The following ACSS3 variants were observed in gnomAD, a reference collection of about 807,000 sequenced individuals.
The protein encoded by ACSS3 is acyl-CoA synthetase short chain family member 3.
A neutral mutation model predicts 84.2 loss-of-function variants in ACSS3; 64 were observed. The observed-to-expected ratio is 0.76, with a 90% CI of 0.62 to 0.94. ACSS3 has a LOEUF of 0.94. ACSS3 is among the 40% of genes least tolerant of loss of function. ACSS3 has a pLI of 0.00. For synonymous variants in ACSS3, 317 were observed against 310.1 expected, an observed-to-expected ratio of 1.02 and a Z score of -0.23; for missense variants, 815 against 867.6, an observed-to-expected ratio of 0.94 and a Z score of 0.76.
At position 81,259,049 on chromosome 12, in the gene ACSS3, T is replaced by C. The variant is rs896083719; in HGVS notation, c.*4127T>C. The C allele has an allele frequency of 3.1e-5, 5 of 163,192 alleles. No homozygotes were observed. The Admixed American group carries it at 3.2e-4, about 10-fold the overall frequency. The allele number at this position is 163,192 out of a possible 1,614,324, so 10.1% of individuals were successfully genotyped here. ...CTGATTGCCTTTAAAGCTCTATTTT[T>C]GGCTCCGGTTCCAGGTTAAATCATT... On this transcript the variant is annotated 3_prime_UTR_variant, in exon 16 of 16. Transcript: ENST00000548058.
intron 1 of ACSS3, among the ~76,000 whole-genome samples, chr12:81,103,429 T>C (rs1273254287): frequency 6.6e-6 from 1 of 152,224 alleles, no homozygotes; most frequent in Non-Finnish European, 1.5e-5. Flanking sequence ...ACTGGAATGA[T>C]TTTATTTAAA....
At chr12:81,254,335 G>T (rs894924220) in intron 15 of ACSS3, among the ~76,000 whole-genome samples, 1 of 152,086 alleles carries the variant, frequency 6.6e-6, no homozygotes, top group African/African-American at 2.4e-5. Flanking sequence ...GTAATTAATG[G>T]CAATTAGTGA....
chr12:81,151,012 T>G (rs543335848), intron 5 of ACSS3, among the ~76,000 whole-genome samples: 1 of 152,354 alleles, frequency 6.6e-6, no homozygotes, highest in Non-Finnish European at 1.5e-5. Flanking sequence ...CTCAGTTATG[T>G]CTTATTGGGC....
chr12:81,133,424 G>C (rs1545083), intron 2 of ACSS3, among the ~76,000 whole-genome samples: 53,479 of 152,002 alleles, frequency 0.35, 11,916 homozygotes, highest in Non-Finnish European at 0.5. Flanking sequence ...ATCGACAACT[G>C]TCTTTTCACT....
At chr12:81,247,603 T>C (rs2034023934) in intron 13 of ACSS3, among the ~76,000 whole-genome samples, 1 of 152,110 alleles carries the variant, frequency 6.6e-6, no homozygotes, top group Non-Finnish European at 1.5e-5. Context: ...ATGAATTAAA[T>C]GACTAAGTTT....
At chr12:81,110,570 G>A (rs1883490072) in intron 2 of ACSS3, among the ~76,000 whole-genome samples, 1 of 152,192 alleles carries the variant, frequency 6.6e-6, no homozygotes, top group African/African-American at 2.4e-5. Flanking sequence ...AGAGGTAATG[G>A]TGCAAGGCAG....
chr12:81,167,239 A>C (rs1013629133), intron 7 of ACSS3, among the ~76,000 whole-genome samples: 1 of 152,198 alleles, frequency 6.6e-6, no homozygotes, highest in Non-Finnish European at 1.5e-5. Flanking sequence ...CTAGATAGAA[A>C]CAATGGCTTA....
At chr12:81,194,395 T>C (rs7956603) in intron 8 of ACSS3, among the ~76,000 whole-genome samples, 96,914 of 151,596 alleles carry the variant, frequency 0.64, 31,823 homozygotes, top group Non-Finnish European at 0.72. Context: ...AACTTTTTGA[T>C]AGTTTGAGGA....
chr12:81,172,003 C>A (rs916594047), intron 7 of ACSS3, among the ~76,000 whole-genome samples: 1 of 152,094 alleles, frequency 6.6e-6, no homozygotes, highest in Non-Finnish European at 1.5e-5. Context: ...TATGGTATCA[C>A]GCCTGTAATC....
chr12:81,078,045 T>C, upstream of ACSS3: 1 of 1,408,760 alleles, frequency 7.1e-7, no homozygotes, highest in East Asian at 2.5e-5. Context: ...CGCCCCCTAC[T>C]CCCTTCCCTC....
chr12:81,109,534 A>T, intron 1 of ACSS3, 26 bp from the exon 2 acceptor site: 4 of 1,596,944 alleles, frequency 2.5e-6, no homozygotes, highest in Non-Finnish European at 3.4e-6. Flanking sequence ...GCCATCATTC[A>T]CCTTTACTTT....
intron 11 of ACSS3, among the ~76,000 whole-genome samples, chr12:81,228,116 C>A (rs772488295): frequency 3.3e-5 from 5 of 151,828 alleles, no homozygotes; most frequent in Non-Finnish European, 7.4e-5. Context: ...ATTTTTACCA[C>A]TGAAGTACAT....
rs760956945 is a variant in ACSS3 at position 81,109,624 on chromosome 12, G to A, written c.376G>A (p.Gly126Arg). ...AVDRHIENGK[G>R]DKIAIIYDSP... is the part of the protein sequence containing the mutation. ...TGATCGTCATATTGAAAATGGTAAAGGGGATAAGATTGCTATCATCTATGA... is the reference window on the plus strand; with the variant it reads ...TGATCGTCATATTGAAAATGGTAAAAGGGATAAGATTGCTATCATCTATGA... The change falls in exon 2 of 16, where the codon GGG (glycine) becomes AGG (arginine). Residue 126 changes from glycine to arginine, a missense_variant. Coordinates refer to ENST00000548058, the MANE Select transcript of ACSS3 (RefSeq NM_024560.4). 6.2e-6 allele frequency: 10 copies of A among 1,612,640 alleles called. No individual in the cohort carries two copies. In the Admixed American group the frequency reaches 8.3e-5, roughly 13 times the overall value.
intron 2 of ACSS3, chr12:81,124,545 T>C (rs1884913140): frequency 6.6e-6 from 1 of 152,202 alleles, no homozygotes; most frequent in Non-Finnish European, 1.5e-5. Context: ...ACTACAAATA[T>C]AGATTTAATA....
At chr12:81,130,414 T>C (rs868475566) in intron 2 of ACSS3, among the ~76,000 whole-genome samples, 3 of 152,222 alleles carry the variant, frequency 2.0e-5, no homozygotes, top group Non-Finnish European at 2.9e-5. Context: ...GTTGGCTGCA[T>C]AAATGTCTTC....
At chr12:81,092,518 C>A (rs1380705814) in intron 1 of ACSS3, among the ~76,000 whole-genome samples, 1 of 152,074 alleles carries the variant, frequency 6.6e-6, no homozygotes, top group East Asian at 1.9e-4. Flanking sequence ...CATAGCGTTC[C>A]ATTTTGGTGA....
chr12:81,254,961 CTT>C lies in ACSS3; in HGVS notation c.*40_*41del. The C allele has an allele frequency of 4.1e-6, 6 of 1,450,000 alleles. No individual in the cohort carries two copies. The highest frequency in any genetic ancestry group is 5.6e-6 in the Non-Finnish European group (6 of 1,067,894). 89.8% of individuals were successfully genotyped at this position (1,450,000 alleles called of 1,614,324 possible). A position where few individuals can be genotyped will look rare whatever the true frequency, so the allele number is the denominator to read the frequency against. Reference sequence around the variant, plus strand: ...TTCCTATTTTGAGTTGATTTAATTTCTTAATTGAAATTAAATTATTTGAGTTG... The same window carrying C: ...TTCCTATTTTGAGTTGATTTAATTTCAATTGAAATTAAATTATTTGAGTTG... On this transcript the variant is annotated 3_prime_UTR_variant, in exon 16 of 16. Coordinates refer to ENST00000548058, the MANE Select transcript of ACSS3 (RefSeq NM_024560.4).
intron 1 of ACSS3, among the ~76,000 whole-genome samples, chr12:81,106,778 G>T (rs185107020): frequency 6.6e-6 from 1 of 152,274 alleles, no homozygotes; most frequent in East Asian, 1.9e-4. Context: ...AAAACAGGGA[G>T]ATTAATTAGG....
intron 1 of ACSS3, among the ~76,000 whole-genome samples, chr12:81,090,888 G>A (rs36053552): frequency 0.077 from 11,757 of 152,040 alleles, 606 homozygotes; most frequent in South Asian, 0.13. Flanking sequence ...ATCTGCAGAT[G>A]CTCAAATCCC....
Sources: allele counts gnomAD v4.1 joint callset (sites outside exome capture counted in the v4.1 genomes callset), GRCh38; gene constraint gnomAD v4.1.1; transcripts MANE v1.5; gene names NCBI Gene and HGNC (gene_info 2026-07-23, HGNC 2026-07-21).